COL27A1: variants seen among roughly 807,000 people sequenced by gnomAD.
COL27A1 encodes collagen type XXVII alpha 1 chain.
COL27A1 carries 106 observed loss-of-function variants against 251.3 expected under a neutral mutation model. The observed-to-expected ratio is 0.42, with a 90% confidence interval of 0.36 to 0.50. COL27A1 has a LOEUF of 0.50. Among genes scored for constraint, COL27A1 ranks in the 20% least tolerant of loss-of-function variants. COL27A1 has a pLI of 0.00. For missense variants in COL27A1, 2,325 were observed against 2,522.8 expected (o/e 0.92, Z 1.68); for synonymous variants, 1,000 against 986.3 (o/e 1.01, Z -0.26).
intron 37 of COL27A1, among the ~76,000 whole-genome samples, chr9:114,278,031 T>A (rs1835614629): frequency 6.6e-6 from 1 of 152,138 alleles, no homozygotes; most frequent in East Asian, 1.9e-4. Flanking sequence ...TTGGTTTTCT[T>A]ATCTATAAAG....
rs1832761797 is a variant in COL27A1 at position 114,241,607 on chromosome 9, A to G, written c.2836-580A>G. 2.6e-5 allele frequency among the ~76,000 whole-genome samples: 4 copies of G among 152,294 alleles called. No individual in the cohort carries two copies. In the South Asian group the frequency reaches 6.2e-4, roughly 24 times the overall value. On this transcript the variant is annotated intron_variant, in intron 21 of 60. Transcript: ENST00000356083. Reference sequence around the variant, plus strand: ...GCCACATGCTTCTGTCTACACTCACATTACCACTCAAGAAAGCCCTATGTA... The same window carrying G: ...GCCACATGCTTCTGTCTACACTCACGTTACCACTCAAGAAAGCCCTATGTA...
intron 7 of COL27A1, among the ~76,000 whole-genome samples, chr9:114,200,589 G>A (rs895028972): frequency 2.6e-5 from 4 of 152,230 alleles, no homozygotes; most frequent in Non-Finnish European, 5.9e-5. Context: ...AGAGTTGGGT[G>A]TCAGACACCT....
intron 35 of COL27A1, among the ~76,000 whole-genome samples, chr9:114,270,485 C>T (rs12375838): frequency 0.13 from 19,635 of 152,258 alleles, 1,467 homozygotes; most frequent in Non-Finnish European, 0.17. Context: ...AGGGAGCTGT[C>T]GGTAGCTTGG....
intron 35 of COL27A1, among the ~76,000 whole-genome samples, chr9:114,269,590 G>A (rs368358066): frequency 8.1e-5 from 11 of 135,192 alleles, no homozygotes; most frequent in African/African-American, 2.4e-4. Flanking sequence ...ACTCCAGCCC[G>A]GGTGACAGAG....
At chr9:114,283,867 C>T (rs982414493) in intron 40 of COL27A1, 105 bp downstream of exon 40, 6 of 1,155,528 alleles carry the variant, frequency 5.2e-6, no homozygotes, top group African/African-American at 3.0e-5. Flanking sequence ...GAAGGCTGAC[C>T]CCTGGAATAC....
rs1564409858 is a variant in COL27A1, at chr9:114,162,754, T to C, written c.102T>C (p.Cys34=). 21 of 1,612,762 alleles carry C rather than the reference T, an allele frequency of 1.3e-5. No homozygotes were observed. The highest frequency in any genetic ancestry group is 1.5e-5 in the Non-Finnish European group (18 of 1,179,580). ...CCTGGATCTTAGTCTCGTTTGCCTG[T>C]CACCTGGCCTCCACCCAAGGAGCTC... ...LFSWILVSFA[C]HLASTQGAPE... The change falls in exon 2 of 61, where the codon TGT becomes TGC. Residue 34 remains cysteine, a synonymous_variant. Coordinates refer to ENST00000356083, the MANE Select transcript of COL27A1 (RefSeq NM_032888.4).
chr9:114,194,602 T>G, intron 6 of COL27A1, 145 bp downstream of exon 6: 1 of 748,004 alleles, frequency 1.3e-6, no homozygotes, highest in East Asian at 2.7e-5. Context: ...AGGGTATGGT[T>G]TGGTTTTTTC....
intron 8 of COL27A1, 122 bp from the exon 9 acceptor site, chr9:114,205,637 G>T (rs1161919583): frequency 1.1e-6 from 1 of 923,422 alleles, no homozygotes. Flanking sequence ...CCTTCCTCCT[G>T]TTCCATCTCA....
rs757960680 is a variant in COL27A1, at chr9:114,306,726, G to A, written c.5107+38G>A. 1.1e-4 allele frequency: 173 copies of A among 1,603,326 alleles called. 4 individuals carry two copies. Among genetic ancestry groups the A allele is most frequent in the South Asian group, 1.1e-3 (97 of 90,022 alleles). The stretch of plus-strand genomic sequence containing the variant: ...CCTGCCGGGGGTGGGTGCGCCTGGC[G>A]GTGGGGAGCTGGGGCAGGTGGAGTA... On this transcript the variant is annotated intron_variant, in intron 58 of 60. Transcript: ENST00000356083.
At chr9:114,170,232 G>T (rs2135094406) in intron 3 of COL27A1, among the ~76,000 whole-genome samples, 1 of 152,360 alleles carries the variant, frequency 6.6e-6, no homozygotes, top group East Asian at 1.9e-4. Flanking sequence ...GGTGCAGAAG[G>T]TCAGCGTGGG....
At chr9:114,175,555 C>T (rs1356019436) in intron 3 of COL27A1, among the ~76,000 whole-genome samples, 3 of 152,320 alleles carry the variant, frequency 2.0e-5, no homozygotes, top group African/African-American at 7.2e-5. Flanking sequence ...TGGCCAGGCC[C>T]GAAGCTGGGG....
intron 24 of COL27A1, among the ~76,000 whole-genome samples, chr9:114,249,973 G>A (rs1178824062): frequency 2.0e-5 from 3 of 152,176 alleles, no homozygotes; most frequent in Non-Finnish European, 2.9e-5. Flanking sequence ...GCGCGTGTGC[G>A]TGTTTGCTTG....
intron 1 of COL27A1, among the ~76,000 whole-genome samples, chr9:114,156,216 C>G (rs1015396702): frequency 1.3e-5 from 2 of 149,546 alleles, no homozygotes; most frequent in Non-Finnish European, 3.0e-5. Flanking sequence ...CCCGCCCTGC[C>G]GCGCCTGGCC....
intron 3 of COL27A1, among the ~76,000 whole-genome samples, chr9:114,172,356 CA>C (rs1167149541): frequency 2.4e-4 from 37 of 152,320 alleles, no homozygotes; most frequent in African/African-American, 8.7e-4. Flanking sequence ...CCCATCCAGG[CA>C]CATGCAGACT....
intron 5 of COL27A1, among the ~76,000 whole-genome samples, chr9:114,192,769 A>G (rs1588627909): frequency 6.6e-6 from 1 of 152,226 alleles, no homozygotes; most frequent in East Asian, 1.9e-4. Context: ...CAGTGTCTGC[A>G]CATAGTAGGT....
chr9:114,172,580 C>T (rs12552028), intron 3 of COL27A1, among the ~76,000 whole-genome samples: 47,619 of 151,930 alleles, frequency 0.31, 7,870 homozygotes, highest in Admixed American at 0.43. Flanking sequence ...CCGAGGCAGG[C>T]GGATCACTTG....
chr9:114,240,549 T>C, intron 21 of COL27A1, 62 bp downstream of exon 21: 2 of 1,505,634 alleles, frequency 1.3e-6, no homozygotes, highest in South Asian at 1.2e-5. Flanking sequence ...CAGCCTGCCC[T>C]GTCCTGGGTA....
chr9:114,208,737 A>G (rs146224080), intron 10 of COL27A1, among the ~76,000 whole-genome samples: 618 of 152,274 alleles, frequency 4.1e-3, no homozygotes, highest in Non-Finnish European at 7.3e-3. Flanking sequence ...GAGAAAGTGG[A>G]GAAGGATGCT....
chr9:114,277,917 A>G (rs1393052487), intron 37 of COL27A1, among the ~76,000 whole-genome samples: 1 of 152,230 alleles, frequency 6.6e-6, no homozygotes, highest in Non-Finnish European at 1.5e-5. Flanking sequence ...AACACATGGC[A>G]GAAATAGCCT....
Sources: gnomAD v4.1 joint callset for allele counts (sites outside exome capture counted in the v4.1 genomes callset) on GRCh38, gnomAD v4.1.1 for gene constraint, MANE v1.5 for transcripts, NCBI Gene and HGNC (gene_info 2026-07-23, HGNC 2026-07-21) for gene names.